The following OSBPL10 variants were observed in gnomAD, a reference collection of about 807,000 sequenced individuals.
OSBPL10 encodes the protein oxysterol binding protein like 10.
In OSBPL10, 49 loss-of-function variants were observed where a neutral mutation model predicts 81.7. The ratio of observed to expected loss-of-function variants is 0.60; its 90% CI spans 0.48 to 0.76. The LOEUF (loss-of-function observed/expected upper bound fraction) is 0.76, where lower values mean the gene tolerates loss of function less well. Among genes scored for constraint, OSBPL10 ranks in the 30% least tolerant of loss-of-function variants. The pLI is 0.00. For synonymous variants in OSBPL10, 419 were observed against 383.6 expected, an observed-to-expected ratio of 1.09 and a Z score of -1.08; for missense variants, 923 against 987.8, an observed-to-expected ratio of 0.93 and a Z score of 0.88.
chr3:32,007,207 T>C (rs1299885603), intron 2 of OSBPL10, among the ~76,000 whole-genome samples: 2 of 152,254 alleles, frequency 1.3e-5, no homozygotes, highest in African/African-American at 4.8e-5. Flanking sequence ...GCCTCAGATA[T>C]TCTAGTTCTT....
intron 1 of OSBPL10, among the ~76,000 whole-genome samples, chr3:32,068,939 G>A (rs140978299): frequency 1.3e-5 from 2 of 151,758 alleles, no homozygotes; most frequent in African/African-American, 4.8e-5. Context: ...TCCAACTCTT[G>A]TTCAGCCCCT....
rs557971680 is a variant in OSBPL10, at chr3:31,958,817, C to CA, written c.281+22081dup. Among the ~76,000 whole-genome samples, 71 of 152,258 alleles carry CA rather than the reference C, an allele frequency of 4.7e-4. 2 individuals carry two copies. The South Asian group carries it at 0.014, about 30-fold the overall frequency. ...AAATAAGGTTTTATTGGAACAGAGC[C>CA]ATGTCTATTTGTTTACATATTGCCT... On this transcript the variant is annotated intron_variant, in intron 1 of 11. Transcript: ENST00000396556.
intron 5 of OSBPL10, among the ~76,000 whole-genome samples, chr3:31,737,547 TA>T (rs1479189337): frequency 6.6e-6 from 1 of 152,050 alleles, no homozygotes; most frequent in Non-Finnish European, 1.5e-5. Flanking sequence ...ATGAGGAAAC[TA>T]AACCAACATT....
At chr3:31,905,345 A>ATTTTTTTTTTTTTTTTTTT (rs386396290) in intron 1 of OSBPL10, among the ~76,000 whole-genome samples, 1,679 of 94,754 alleles carry the variant, frequency 0.018, 223 homozygotes, top group African/African-American at 0.032. Flanking sequence ...GAACCTGGTG[A>ATTTTTTTTTTTTTTTTTTT]TTTTTTTTTT....
At chr3:31,831,266 C>T (rs906624372) in intron 3 of OSBPL10, among the ~76,000 whole-genome samples, 1 of 151,994 alleles carries the variant, frequency 6.6e-6, no homozygotes, top group African/African-American at 2.4e-5. Context: ...ATTAGCCAGG[C>T]ATGGTGGCAC....
intron 3 of OSBPL10, among the ~76,000 whole-genome samples, chr3:31,837,853 T>A (rs1355374959): frequency 6.6e-6 from 1 of 150,908 alleles, no homozygotes; most frequent in Non-Finnish European, 1.5e-5. Flanking sequence ...AAAAAAAAAA[T>A]TTAATCCATG....
intron 4 of OSBPL10, among the ~76,000 whole-genome samples, chr3:31,771,107 AAATGCTGCTAAT>A (rs749888977): frequency 1.8e-4 from 28 of 152,344 alleles, no homozygotes; most frequent in Non-Finnish European, 3.1e-4. Flanking sequence ...AATCACTCAG[AAATGCTGCTAAT>A]ACACAGCAAG....
chr3:31,683,517 C>T, intron 8 of OSBPL10, 117 bp downstream of exon 8: 1 of 1,443,532 alleles, frequency 6.9e-7, no homozygotes, highest in South Asian at 1.4e-5. Context: ...ACTCTAATTC[C>T]AAAACCAGTT....
In OSBPL10 at chr3:32,034,943, T is replaced by G. The variant is rs140598699; in HGVS notation, n.298+11548A>C. Among the ~76,000 whole-genome samples the G allele has an allele frequency of 2.6e-5, 4 of 152,356 alleles. No homozygotes were observed. In the East Asian group the frequency reaches 7.7e-4, roughly 29 times the overall value. On this transcript the variant is annotated intron_variant and non_coding_transcript_variant, in intron 2 of 3. Coordinates refer to the OSBPL10 transcript ENST00000479173. Reference sequence around the variant, plus strand: ...CAGAGCTGAGAAAAAGAAGTTATCATGTATATAAATTCACAGAGTGATAAT... The same window carrying G: ...CAGAGCTGAGAAAAAGAAGTTATCAGGTATATAAATTCACAGAGTGATAAT...
chr3:31,705,315 T>TA lies in OSBPL10; in HGVS notation c.1096-2808dup, dbSNP rs1575488443. ...TACACCATGTTGACAGTAAACATCT[T>TA]AGAGGACACTTTCAATCCACCCACA... On this transcript the variant is annotated intron_variant, in intron 6 of 11. Coordinates refer to ENST00000396556, the MANE Select transcript of OSBPL10 (RefSeq NM_017784.5). Among the ~76,000 whole-genome samples the TA allele has an allele frequency of 5.9e-5, 9 of 152,192 alleles. 2 individuals are homozygous for TA.
At chr3:31,787,489 G>C (rs1292735984) in intron 4 of OSBPL10, among the ~76,000 whole-genome samples, 1 of 152,006 alleles carries the variant, frequency 6.6e-6, no homozygotes, top group African/African-American at 2.4e-5. Flanking sequence ...CAGCTACTTG[G>C]GAGGCTGAGG....
chr3:31,946,394 G>GT (rs1329679322), intron 1 of OSBPL10, among the ~76,000 whole-genome samples: 1 of 114,316 alleles, frequency 8.7e-6, no homozygotes, highest in Non-Finnish European at 1.7e-5. Context: ...TTATTAAGTT[G>GT]TTTTTTATCA....
intron 1 of OSBPL10, among the ~76,000 whole-genome samples, chr3:31,932,261 G>A (rs1043246795): frequency 6.6e-6 from 1 of 151,998 alleles, no homozygotes; most frequent in Non-Finnish European, 1.5e-5. Flanking sequence ...TTCCAACTCC[G>A]AACACGGTCT....
At chr3:31,990,679 G>A (rs1575080301) in intron 2 of OSBPL10, 1 of 1,614,144 alleles carries the variant, frequency 6.2e-7, no homozygotes, top group South Asian at 1.1e-5. Flanking sequence ...ACTTCATACT[G>A]GAGAGAAACC....
At chr3:31,842,678 A>T (rs1019531264) in intron 3 of OSBPL10, among the ~76,000 whole-genome samples, 6 of 152,180 alleles carry the variant, frequency 3.9e-5, no homozygotes, top group African/African-American at 1.4e-4. Context: ...CAGAGACTCT[A>T]CTACCTGCTG....
chr3:31,812,730 G>A lies in OSBPL10; in HGVS notation c.729+17310C>T, dbSNP rs182270914. On this transcript the variant is annotated intron_variant, in intron 4 of 11. Coordinates refer to ENST00000396556, the MANE Select transcript of OSBPL10 (RefSeq NM_017784.5). ...CAGTAGGCAAAAAAAAAGAAAGAAAGAAAGAAAGAAAGAAAGAAAGAAAGA... is the reference window on the plus strand; with the variant it reads ...CAGTAGGCAAAAAAAAAGAAAGAAAAAAAGAAAGAAAGAAAGAAAGAAAGA... Among the ~76,000 whole-genome samples, 62 of 17,146 alleles carry A rather than the reference G, an allele frequency of 3.6e-3. 3 individuals are homozygous for A. The East Asian group carries it at 0.12, about 32-fold the overall frequency. The allele number at this position is 17,146 out of a possible 152,430, so 11.2% of individuals were successfully genotyped here. A position where few individuals can be genotyped will look rare whatever the true frequency, so the allele number is the denominator to read the frequency against.
chr3:31,672,220 C>T (rs1700339477), intron 8 of OSBPL10, among the ~76,000 whole-genome samples: 2 of 152,040 alleles, frequency 1.3e-5, no homozygotes, highest in African/African-American at 4.8e-5. Flanking sequence ...CAGCTCACAA[C>T]AGCCCTATTT....
intron 4 of OSBPL10, among the ~76,000 whole-genome samples, chr3:31,757,746 T>C (rs1049951706): frequency 2.0e-5 from 3 of 152,178 alleles, no homozygotes; most frequent in African/African-American, 7.2e-5. Context: ...TCTCATGTAA[T>C]TTTTGCTAAA....
chr3:31,947,372 C>G (rs755953160), intron 1 of OSBPL10, among the ~76,000 whole-genome samples: 1 of 152,210 alleles, frequency 6.6e-6, no homozygotes, highest in Admixed American at 6.5e-5. Flanking sequence ...CTCAGCTGAA[C>G]AGCAGTTCCC....
Sources: gnomAD v4.1 joint callset for allele counts (sites outside exome capture counted in the v4.1 genomes callset) on GRCh38, gnomAD v4.1.1 for gene constraint, MANE v1.5 for transcripts, NCBI Gene and HGNC (gene_info 2026-07-23, HGNC 2026-07-21) for gene names.